TIAM1: variants seen among roughly 807,000 people sequenced by gnomAD.
TIAM1 encodes the protein rho guanine nucleotide exchange factor TIAM1.
Under a neutral mutation model 163.5 loss-of-function variants are expected in TIAM1, and 65 were observed. The observed-to-expected ratio is 0.40, with a 90% confidence interval of 0.33 to 0.49. TIAM1 has a LOEUF of 0.49. Among genes scored for constraint, TIAM1 ranks in the 20% least tolerant of loss-of-function variants. The pLI is 0.77. For missense variants in TIAM1, 1,789 were observed against 2,044.7 expected, an observed-to-expected ratio of 0.87 and a Z score of 2.41; for synonymous variants, 833 against 810.1, an observed-to-expected ratio of 1.03 and a Z score of -0.48.
At position 31,195,240 on chromosome 21, in the gene TIAM1, T is replaced by G; in HGVS notation, c.2559A>C (p.Thr853=). ...TAAACTTACCGTAAGTATCAGCAGC[T>G]GTATCTGACTTCTCAATGTGGATGC... is the stretch of plus-strand genomic sequence containing the variant. ...TQSIHIEKSD[T]AADTYGFSLS... Residue 853 remains threonine, a synonymous_variant, in exon 13 of 28, where the codon ACA becomes ACC. Transcript: ENST00000541036. 2 of 1,612,932 alleles carry G rather than the reference T, an allele frequency of 1.2e-6. No individual in the cohort carries two copies. The highest frequency in any genetic ancestry group is 1.7e-6 in the Non-Finnish European group (2 of 1,179,072).
At chr21:31,496,876 G>C (rs1337513836) in intron 1 of TIAM1, among the ~76,000 whole-genome samples, 1 of 152,102 alleles carries the variant, frequency 6.6e-6, no homozygotes, top group African/African-American at 2.4e-5. Flanking sequence ...GGGTCGGGGA[G>C]GATGGTTTCA....
intron 2 of TIAM1, among the ~76,000 whole-genome samples, chr21:31,279,539 G>A (rs150683596): frequency 5.8e-4 from 89 of 152,248 alleles, no homozygotes; most frequent in Non-Finnish European, 8.2e-4. Context: ...GCACGCATCC[G>A]GTCATATCTT....
At chr21:31,436,493 T>C (rs2044213720) in intron 2 of TIAM1, among the ~76,000 whole-genome samples, 1 of 151,754 alleles carries the variant, frequency 6.6e-6, no homozygotes, top group Non-Finnish European at 1.5e-5. Context: ...CAGGCATGGT[T>C]ACGCATGCCT....
chr21:31,507,178 AATTTTTTTTTT>A (rs2047058456), intron 1 of TIAM1, among the ~76,000 whole-genome samples: 4 of 65,758 alleles, frequency 6.1e-5, no homozygotes, highest in African/African-American at 1.9e-4. Context: ...GCACCTTTTT[AATTTTTTTTTT>A]TTTTTTTTTT....
intron 3 of TIAM1, among the ~76,000 whole-genome samples, chr21:31,272,905 A>C (rs1214436643): frequency 6.6e-6 from 1 of 152,182 alleles, no homozygotes; most frequent in East Asian, 1.9e-4. Context: ...AATGAGGTTA[A>C]ATAAAGAGGT....
intron 2 of TIAM1, among the ~76,000 whole-genome samples, chr21:31,401,666 T>C (rs1010077473): frequency 6.6e-6 from 1 of 152,158 alleles, no homozygotes; most frequent in Non-Finnish European, 1.5e-5. Flanking sequence ...CTCATGCCTG[T>C]AATCCCAGCA....
intron 26 of TIAM1, among the ~76,000 whole-genome samples, chr21:31,125,229 A>G (rs1269710834): frequency 1.3e-5 from 2 of 152,106 alleles, no homozygotes; most frequent in Non-Finnish European, 2.9e-5. Context: ...GTTAAAAAAA[A>G]AAAAAAAAAG....
intron 1 of TIAM1, among the ~76,000 whole-genome samples, chr21:31,514,310 T>C (rs192969158): frequency 1.6e-4 from 25 of 152,218 alleles, no homozygotes; most frequent in Non-Finnish European, 3.4e-4. Flanking sequence ...AATTTACAAA[T>C]TCTAGGTTCT....
In TIAM1 at chr21:31,432,091, C is replaced by CTTTT. The variant is rs11291911; in HGVS notation, c.-369+31888_-369+31891dup. On this transcript the variant is annotated intron_variant, in intron 2 of 28. Coordinates refer to the TIAM1 transcript ENST00000286827. Reference sequence around the variant, plus strand: ...TGAACATGTCAAAAATCTAAGATTCCTTTTTTTTTTTTTTTTTTTTTTTTT... The same window carrying CTTTT: ...TGAACATGTCAAAAATCTAAGATTCCTTTTTTTTTTTTTTTTTTTTTTTTTTTTT... Among the ~76,000 whole-genome samples, 49 of 93,666 alleles carry CTTTT rather than the reference C, an allele frequency of 5.2e-4. 1 individual carries two copies. Among genetic ancestry groups the CTTTT allele is most frequent in the African/African-American group, 8.7e-4 (19 of 21,776 alleles). The allele number at this position is 93,666 out of a possible 152,430, so 61.4% of individuals were successfully genotyped here.
At chr21:31,181,088 A>C (rs531628384) in intron 15 of TIAM1, among the ~76,000 whole-genome samples, 1 of 152,376 alleles carries the variant, frequency 6.6e-6, no homozygotes, top group South Asian at 2.1e-4. Flanking sequence ...CTTTGAAAAG[A>C]GAAAATAATG....
chr21:31,422,716 C>T (rs1409148085), intron 2 of TIAM1, among the ~76,000 whole-genome samples: 1 of 152,208 alleles, frequency 6.6e-6, no homozygotes, highest in Non-Finnish European at 1.5e-5. Context: ...CACCAATGAG[C>T]ACCTCTCATG....
chr21:31,546,966 G>T (rs1026710277), intron 1 of TIAM1, among the ~76,000 whole-genome samples: 2 of 146,832 alleles, frequency 1.4e-5, no homozygotes, highest in Non-Finnish European at 3.0e-5. Context: ...AGTGGGGGGG[G>T]GCTGGCTCCT....
At chr21:31,138,084 C>G (rs1458568759) in intron 22 of TIAM1, among the ~76,000 whole-genome samples, 1 of 151,866 alleles carries the variant, frequency 6.6e-6, no homozygotes, top group African/African-American at 2.4e-5. Context: ...ATCCTCCTCC[C>G]AAACCCCAAG....
chr21:31,547,187 G>C (rs1386029596), intron 1 of TIAM1, among the ~76,000 whole-genome samples: 2 of 152,116 alleles, frequency 1.3e-5, no homozygotes, highest in Non-Finnish European at 2.9e-5. Flanking sequence ...AACTGGTCCT[G>C]TTTTAAAGAA....
At chr21:31,351,942 C>T (rs555266326) in intron 2 of TIAM1, among the ~76,000 whole-genome samples, 1 of 152,068 alleles carries the variant, frequency 6.6e-6, no homozygotes, top group South Asian at 2.1e-4. Flanking sequence ...GTGGTGTGTG[C>T]CTGTACTCCC....
chr21:31,217,792 A>G (rs1601590990), intron 8 of TIAM1, 93 bp from the exon 9 acceptor site: 1 of 1,475,762 alleles, frequency 6.8e-7, no homozygotes, highest in African/African-American at 1.4e-5. Flanking sequence ...CCTTCAAAAA[A>G]CCCTCCTCCA....
At chr21:31,553,261 G>T (rs2048754910) in intron 1 of TIAM1, among the ~76,000 whole-genome samples, 1 of 152,176 alleles carries the variant, frequency 6.6e-6, no homozygotes, top group Non-Finnish European at 1.5e-5. Context: ...GTGTGGAGAT[G>T]CACCCTGTGG....
At chr21:31,135,210 C>T (rs972456446) in intron 23 of TIAM1, among the ~76,000 whole-genome samples, 2 of 152,058 alleles carry the variant, frequency 1.3e-5, no homozygotes, top group African/African-American at 4.8e-5. Flanking sequence ...CAGCAATATG[C>T]CAATAAGCAT....
intron 22 of TIAM1, among the ~76,000 whole-genome samples, chr21:31,136,759 AT>A (rs1183083510): frequency 6.6e-6 from 1 of 152,242 alleles, no homozygotes; most frequent in Middle Eastern, 3.2e-3. Context: ...GGAGATGCTA[AT>A]GGCCGTCCAT....
Sources: allele counts gnomAD v4.1 joint callset (sites outside exome capture counted in the v4.1 genomes callset), GRCh38; gene constraint gnomAD v4.1.1; transcripts MANE v1.5; gene names NCBI Gene and HGNC (gene_info 2026-07-23, HGNC 2026-07-21).